RP1: variants seen among roughly 807,000 people sequenced by gnomAD.
RP1 encodes the protein RP1 axonemal microtubule associated.
Under a neutral mutation model 14.8 loss-of-function variants are expected in RP1, and 16 were observed. The ratio of observed to expected loss-of-function variants is 1.08; its 90% CI spans 0.73 to 1.65. The LOEUF (loss-of-function observed/expected upper bound fraction) is 1.65. Ranked by LOEUF, RP1 falls within the 40% of genes most tolerant of loss-of-function variation. The probability of loss-of-function intolerance (pLI) is 0.00; values close to 1 mark genes in which losing one functional copy is unlikely to be tolerated. For missense variants in RP1, 2,631 were observed against 2,535.0 expected, an observed-to-expected ratio of 1.04 and a Z score of -0.81; for synonymous variants, 876 against 883.6, an observed-to-expected ratio of 0.99 and a Z score of 0.15.
chr8:54,645,895 C>T (rs1346249063), intron 3 of RP1, among the ~76,000 whole-genome samples: 2 of 151,850 alleles, frequency 1.3e-5, no homozygotes, highest in African/African-American at 4.8e-5. Context: ...TTTGTGTCTG[C>T]TCTGGTAAAT....
chr8:54,813,092 A>G (rs1258856182), intron 24 of RP1, among the ~76,000 whole-genome samples: 1 of 152,262 alleles, frequency 6.6e-6, no homozygotes, highest in African/African-American at 2.4e-5. Flanking sequence ...TCCAACTTTT[A>G]TACTTTGCAG....
Position 54,628,817 on chromosome 8 carries a change from T to A in RP1, c.4935T>A (p.Ser1645=). The change falls in exon 4 of 4, where the codon TCT becomes TCA. Residue 1645 remains serine (S), a synonymous_variant. Transcript: ENST00000220676. ...LYGKADIIKP[S]FFPGSTRKSQ... Reference sequence around the variant, plus strand: ...GTAAAGCAGATATTATCAAACCATCTTTTTTTCCTGGGTCTACCCGCAAAT... The same window carrying A: ...GTAAAGCAGATATTATCAAACCATCATTTTTTCCTGGGTCTACCCGCAAAT... 1 of 1,614,106 alleles carries A rather than the reference T, an allele frequency of 6.2e-7. No individual in the cohort carries two copies. The highest frequency in any genetic ancestry group is 2.2e-5 in the East Asian group (1 of 44,886).
chr8:54,582,257 G>A (rs1251030679), intron 1 of RP1, among the ~76,000 whole-genome samples: 1 of 151,590 alleles, frequency 6.6e-6, no homozygotes, highest in African/African-American at 2.4e-5. Context: ...TATTAAATAG[G>A]GAATCCTTTC....
intron 7 of RP1, among the ~76,000 whole-genome samples, chr8:54,670,897 T>G (rs1219831248): frequency 6.6e-6 from 1 of 151,548 alleles, no homozygotes; most frequent in Non-Finnish European, 1.5e-5. Flanking sequence ...GATGTATGTA[T>G]TGTTCTTGGC....
chr8:54,841,561 T>TG (rs1012635635), intron 25 of RP1, among the ~76,000 whole-genome samples: 1 of 152,216 alleles, frequency 6.6e-6, no homozygotes, highest in Non-Finnish European at 1.5e-5. Context: ...CATCATTCTT[T>TG]GGGGGCTGAG....
At chr8:54,785,561 G>C (rs1810297876) in intron 24 of RP1, among the ~76,000 whole-genome samples, 1 of 151,930 alleles carries the variant, frequency 6.6e-6, no homozygotes, top group Non-Finnish European at 1.5e-5. Flanking sequence ...ATATACCTAG[G>C]AGTAAAATTT....
At position 54,622,145 on chromosome 8, in the gene RP1, G is replaced by A. The variant is rs759197247; in HGVS notation, c.644G>A (p.Ser215Asn). 145 of 1,614,104 alleles carry A rather than the reference G, an allele frequency of 9.0e-5. No homozygotes were observed. Among genetic ancestry groups the A allele is most frequent in the Non-Finnish European group, 1.2e-4 (141 of 1,180,050 alleles). Reference protein sequence around the residue: ...RVPSLQAVILSSGAVVAAGRE... With the variant: ...RVPSLQAVILNSGAVVAAGRE... ...CCCAGCCTCCAGGCAGTGATCCTGA[G>A]CTCTGGAGCTGTGGTGGCGGCAGGA... Residue 215 changes from serine to asparagine, a missense_variant, in exon 3 of 4, where the codon AGC becomes AAC. By Grantham distance (46) the Ser-to-Asn change is conservative. Transcript: ENST00000220676.
intron 16 of RP1, chr8:54,720,431 A>G (rs780059985): frequency 1.5e-5 from 13 of 874,850 alleles, no homozygotes; most frequent in Non-Finnish European, 1.3e-5. Flanking sequence ...GTTTGTTGTC[A>G]TTCCAGAAGC....
intron 27 of RP1, chr8:54,865,712 C>T: frequency 2.5e-6 from 1 of 398,998 alleles, no homozygotes; most frequent in South Asian, 1.4e-4. Context: ...TTTGCATGTG[C>T]ATATTTTTGT....
intron 1 of RP1, among the ~76,000 whole-genome samples, chr8:54,585,009 T>C (rs1465029415): frequency 1.3e-5 from 2 of 152,212 alleles, no homozygotes; most frequent in Non-Finnish European, 2.9e-5. Flanking sequence ...CATTTAAGGT[T>C]AATATTGTTA....
intron 12 of RP1, chr8:54,696,562 C>A: frequency 1.4e-6 from 1 of 732,178 alleles, no homozygotes. Context: ...TGGAATTATT[C>A]CTACATGACT....
chr8:54,839,004 G>A (rs1394420481), intron 25 of RP1, among the ~76,000 whole-genome samples: 1 of 152,156 alleles, frequency 6.6e-6, no homozygotes, highest in Non-Finnish European at 1.5e-5. Context: ...AGTGTTCTTA[G>A]CATACAATAA....
chr8:54,562,893 G>A (rs549173223), intron 1 of RP1, among the ~76,000 whole-genome samples: 7 of 152,318 alleles, frequency 4.6e-5, no homozygotes, highest in South Asian at 2.1e-4. Context: ...ACGGAGACAG[G>A]TGAATGCCTT....
At chr8:54,732,510 A>T (rs1161982073) in intron 17 of RP1, among the ~76,000 whole-genome samples, 2 of 152,194 alleles carry the variant, frequency 1.3e-5, no homozygotes, top group Non-Finnish European at 2.9e-5. Context: ...AGCAAATAAT[A>T]GGAACTAAAG....
chr8:54,707,422 CAG>C (rs1196954865), intron 15 of RP1, among the ~76,000 whole-genome samples: 2 of 152,166 alleles, frequency 1.3e-5, no homozygotes, highest in South Asian at 2.1e-4. Context: ...TGTGCCCAGA[CAG>C]GGGTTTTTCT....
chr8:54,686,134 A>G (rs1021430754), intron 12 of RP1, among the ~76,000 whole-genome samples: 2 of 152,320 alleles, frequency 1.3e-5, no homozygotes, highest in East Asian at 1.9e-4. Flanking sequence ...AGGCAGGTGG[A>G]GGATAATATG....
At chr8:54,688,740 G>A (rs1200424084) in intron 12 of RP1, among the ~76,000 whole-genome samples, 4 of 152,122 alleles carry the variant, frequency 2.6e-5, no homozygotes, top group Admixed American at 2.6e-4. Flanking sequence ...TTGAAGTCAG[G>A]TAGCATGATG....
chr8:54,573,539 CT>C (rs1308023732), intron 1 of RP1, among the ~76,000 whole-genome samples: 1 of 152,078 alleles, frequency 6.6e-6, no homozygotes, highest in African/African-American at 2.4e-5. Context: ...AATACGGTAG[CT>C]TTTCCCTCAA....
intron 14 of RP1, among the ~76,000 whole-genome samples, chr8:54,706,051 A>G (rs1808143172): frequency 1.3e-5 from 2 of 152,184 alleles, no homozygotes; most frequent in Admixed American, 1.3e-4. Context: ...TCATTCCTAT[A>G]TGCATACATT....
Sources: gnomAD v4.1 joint callset for allele counts (sites outside exome capture counted in the v4.1 genomes callset) on GRCh38, gnomAD v4.1.1 for gene constraint, MANE v1.5 for transcripts, NCBI Gene and HGNC (gene_info 2026-07-23, HGNC 2026-07-21) for gene names.